CDC42BPB: variants seen among roughly 807,000 people sequenced by gnomAD.
CDC42BPB encodes the protein serine/threonine-protein kinase MRCK beta.
CDC42BPB carries 37 observed loss-of-function variants against 214.9 expected under a neutral mutation model. The ratio of observed to expected loss-of-function variants is 0.17; its 90% CI spans 0.13 to 0.23. CDC42BPB has a LOEUF of 0.23. Ranked by LOEUF, CDC42BPB falls within the 10% of genes least tolerant of loss-of-function variation. CDC42BPB has a pLI of 1.00. For synonymous variants in CDC42BPB, 931 were observed against 884.0 expected (o/e 1.05, Z -0.94); for missense variants, 1,694 against 2,227.0 (o/e 0.76, Z 4.82).
chr14:103,036,725 A>AT (rs1887686054), intron 1 of CDC42BPB, among the ~76,000 whole-genome samples: 2 of 152,388 alleles, frequency 1.3e-5, no homozygotes, highest in East Asian at 1.9e-4. Flanking sequence ...ATATCAATAC[A>AT]GACAATAAAA....
intron 3 of CDC42BPB, among the ~76,000 whole-genome samples, chr14:103,005,473 C>G (rs1895194460): frequency 6.7e-6 from 1 of 149,738 alleles, no homozygotes; most frequent in African/African-American, 2.5e-5. Context: ...CTTGGGAGGC[C>G]AAGGCGGGAG....
chr14:102,994,499 A>AG (rs1894637245), intron 5 of CDC42BPB, among the ~76,000 whole-genome samples: 1 of 152,210 alleles, frequency 6.6e-6, no homozygotes. Context: ...GCAGATGCCC[A>AG]GGCCAACTGA....
chr14:102,986,111 C>T (rs1894236267), intron 6 of CDC42BPB, among the ~76,000 whole-genome samples: 1 of 148,420 alleles, frequency 6.7e-6, no homozygotes, highest in Non-Finnish European at 1.5e-5. Flanking sequence ...TGAGAAAGTA[C>T]AGTTACATGG....
At position 102,933,720 on chromosome 14, in the gene CDC42BPB, C is replaced by T; in HGVS notation, c.5128G>A (p.Asp1710Asn). Reference protein sequence around the residue: ...PLEGLEQPACDT With the variant: ...PLEGLEQPACNT ...GTGGCGAGCTGGCGGCTTCAGGTGT[C>T]ACAGGCCGGCTGCTCCAGGCCTTCG... Residue 1710 changes from aspartate to asparagine, a missense_variant, in exon 37 of 37, where the codon GAC becomes AAC. Physicochemically the swap from Asp to Asn is conservative, Grantham distance 23. Around this residue, in one of 7 missense-constraint regions of CDC42BPB, gnomAD observed 146 missense variants for 134.1 expected, o/e 1.09. Transcript: ENST00000361246. 6.8e-7 allele frequency: 1 copy of T among 1,474,624 alleles called. No homozygotes were observed. The highest frequency in any genetic ancestry group is 8.9e-7 in the Non-Finnish European group (1 of 1,127,918). The allele number at this position is 1,474,624 out of a possible 1,614,324, so 91.3% of individuals were successfully genotyped here.
Position 102,954,199 on chromosome 14 carries a change from T to A in CDC42BPB, c.3065A>T (p.Lys1022Met). 2 of 1,547,828 alleles carry A rather than the reference T, an allele frequency of 1.3e-6. No individual in the cohort carries two copies. Among genetic ancestry groups the A allele is most frequent in the Non-Finnish European group, 1.7e-6 (2 of 1,144,710 alleles). Reference protein sequence around the residue: ...TTQALALAGPKPKAHQFSIKS... With the variant: ...TTQALALAGPMPKAHQFSIKS... ...CCCGGGTGAAAGCAAGGCCCCTACCTTCGGTCCAGCCAGAGCCAGGGCCTG... is the reference window on the plus strand; with the variant it reads ...CCCGGGTGAAAGCAAGGCCCCTACCATCGGTCCAGCCAGAGCCAGGGCCTG... The change falls in exon 23 of 37, where the codon AAG becomes ATG. Residue 1022 changes from lysine (K) to methionine (M), a missense_variant and splice_region_variant. By Grantham distance (95) the Lys-to-Met change is moderately conservative (BLOSUM62 -1). Transcript: ENST00000361246.
chr14:102,966,554 G>C (rs1893211570), intron 17 of CDC42BPB, 167 bp from the exon 18 acceptor site: 1 of 981,638 alleles, frequency 1.0e-6, no homozygotes, highest in Admixed American at 6.1e-5. Context: ...TGATGGATGC[G>C]TCGTTACATT....
At chr14:103,009,518 A>G (rs1439565098) in intron 2 of CDC42BPB, among the ~76,000 whole-genome samples, 1 of 152,250 alleles carries the variant, frequency 6.6e-6, no homozygotes, top group Non-Finnish European at 1.5e-5. Flanking sequence ...CAATCAGAGG[A>G]GCTCAAAAAG....
rs112456244 is a variant in CDC42BPB at position 103,014,315 on chromosome 14, C to T, written c.176-2127G>A. 5.0e-3 allele frequency among the ~76,000 whole-genome samples: 762 copies of T among 152,320 alleles called. 11 individuals carry two copies. Among genetic ancestry groups the T allele is most frequent in the African/African-American group, 0.017 (711 of 41,554 alleles). ...CCATGTATCCTGCCAGTCTGGCATC[C>T]GTGCAGTCAATTGTCTCTCTTGCAC... On this transcript the variant is annotated intron_variant, in intron 1 of 36. Transcript: ENST00000361246.
At chr14:102,953,158 G>A (rs1349305967) in intron 23 of CDC42BPB, among the ~76,000 whole-genome samples, 3 of 152,254 alleles carry the variant, frequency 2.0e-5, no homozygotes, top group Non-Finnish European at 2.9e-5. Context: ...CAGGCCATGC[G>A]GGACCGCCTG....
intron 5 of CDC42BPB, among the ~76,000 whole-genome samples, chr14:102,988,817 A>G (rs1047773683): frequency 2.0e-5 from 3 of 151,742 alleles, no homozygotes; most frequent in South Asian, 2.1e-4. Flanking sequence ...AGATGAACCT[A>G]TATGAATGAA....
intron 26 of CDC42BPB, 140 bp downstream of exon 26, chr14:102,949,625 A>T (rs1595457719): frequency 1.9e-6 from 2 of 1,065,516 alleles, no homozygotes; most frequent in East Asian, 5.0e-5. Context: ...ACTAAGCTGT[A>T]CCCATTTTTG....
intron 1 of CDC42BPB, among the ~76,000 whole-genome samples, chr14:103,040,226 G>C (rs1340966517): frequency 4.6e-5 from 7 of 151,894 alleles, no homozygotes; most frequent in Admixed American, 6.6e-5. Flanking sequence ...GTCGTGGCGG[G>C]TGCCTGCAAT....
At chr14:102,990,012 A>C (rs1413161153) in intron 5 of CDC42BPB, among the ~76,000 whole-genome samples, 1 of 152,224 alleles carries the variant, frequency 6.6e-6, no homozygotes, top group Non-Finnish European at 1.5e-5. Flanking sequence ...AGAAGACAGC[A>C]GACTGGCTAC....
chr14:103,015,496 A>G (rs1408107910), intron 1 of CDC42BPB, among the ~76,000 whole-genome samples: 1 of 152,162 alleles, frequency 6.6e-6, no homozygotes, highest in Non-Finnish European at 1.5e-5. Context: ...TCAAAAACAG[A>G]AACAATAAAC....
chr14:102,934,601 T>C (rs1891555421), intron 36 of CDC42BPB, among the ~76,000 whole-genome samples: 1 of 151,130 alleles, frequency 6.6e-6, no homozygotes, highest in African/African-American at 2.4e-5. Context: ...AACCAAGCAG[T>C]CAAAGTCACA....
intron 5 of CDC42BPB, among the ~76,000 whole-genome samples, chr14:102,999,279 G>A (rs1355065079): frequency 6.6e-6 from 1 of 152,026 alleles, no homozygotes; most frequent in Non-Finnish European, 1.5e-5. Flanking sequence ...ATTTTAGGGA[G>A]GGGGTCTCAG....
intron 20 of CDC42BPB, among the ~76,000 whole-genome samples, chr14:102,961,162 G>A (rs917873954): frequency 6.7e-6 from 1 of 149,528 alleles, no homozygotes; most frequent in Admixed American, 6.7e-5. Flanking sequence ...GCAAGACCCT[G>A]AATCAATCAA....
chr14:103,055,279 C>T (rs1312964736), intron 1 of CDC42BPB, among the ~76,000 whole-genome samples: 2 of 152,120 alleles, frequency 1.3e-5, no homozygotes, highest in Non-Finnish European at 2.9e-5. Context: ...AAAAATGAGC[C>T]GGGCATGCTG....
chr14:102,952,655 C>T (rs907009612), intron 23 of CDC42BPB, 52 bp from the exon 24 acceptor site: 2 of 1,583,666 alleles, frequency 1.3e-6, no homozygotes. Context: ...TCTTGAGAGT[C>T]AGATCCATCT....
Sources: allele counts gnomAD v4.1 joint callset (sites outside exome capture counted in the v4.1 genomes callset), GRCh38; gene constraint gnomAD v4.1.1; regional missense constraint gnomAD v4.1.1; transcripts MANE v1.5; gene names NCBI Gene and HGNC (gene_info 2026-07-23, HGNC 2026-07-21).